CAPS2: variants seen among roughly 807,000 people sequenced by gnomAD.
CAPS2 encodes the protein calcyphosin-2.
CAPS2 carries 98 observed loss-of-function variants against 86.5 expected under a neutral mutation model. That is an observed-to-expected ratio of 1.13 (90% CI 0.96 to 1.34). CAPS2 has a LOEUF of 1.34. Ranked by LOEUF, CAPS2 falls within the 40% of genes most tolerant of loss-of-function variation. The probability of loss-of-function intolerance (pLI) is 0.00; values close to 1 mark genes in which losing one functional copy is unlikely to be tolerated. For missense variants in CAPS2, 729 were observed against 686.8 expected, an observed-to-expected ratio of 1.06 and a Z score of -0.69; for synonymous variants, 210 against 225.1, an observed-to-expected ratio of 0.93 and a Z score of 0.60.
At chr12:75,344,152 A>G (rs913180712) in intron 1 of CAPS2, among the ~76,000 whole-genome samples, 14 of 152,038 alleles carry the variant, frequency 9.2e-5, no homozygotes, top group African/African-American at 3.1e-4. Context: ...TTGTAAGTCT[A>G]TAACTTAAAT....
intron 1 of CAPS2, among the ~76,000 whole-genome samples, chr12:75,377,827 A>T (rs1405969504): frequency 2.1e-5 from 3 of 143,640 alleles, no homozygotes; most frequent in African/African-American, 7.8e-5. Flanking sequence ...GATACTTAAT[A>T]TTAACCATCA....
At chr12:75,305,553 G>T in intron 7 of CAPS2, 1 of 627,296 alleles carries the variant, frequency 1.6e-6, no homozygotes. Context: ...CTCCGTCCGC[G>T]ACCCTGGCAG....
chr12:75,299,330 A>T (rs2037427149), intron 9 of CAPS2, among the ~76,000 whole-genome samples: 1 of 152,202 alleles, frequency 6.6e-6, no homozygotes, highest in African/African-American at 2.4e-5. Flanking sequence ...AGAAAGCTTT[A>T]AATTCACTAA....
At chr12:75,326,910 G>C (rs2040837119), upstream of CAPS2, among the ~76,000 whole-genome samples, 1 of 152,152 alleles carries the variant, frequency 6.6e-6, no homozygotes, top group Admixed American at 6.5e-5. Context: ...AAGATGTAAG[G>C]ATGGAAGCAT....
chr12:75,303,487 G>A lies in CAPS2; in HGVS notation c.779+1270C>T, dbSNP rs113627262. The stretch of plus-strand genomic sequence containing the variant: ...GGAGGCAGCATAAGGGGAGGTTCGG[G>A]GTACTGGCAATTGTCTGTTTCTTGA... On this transcript the variant is annotated intron_variant, in intron 8 of 16. Transcript: ENST00000393284. 2.8e-3 allele frequency among the ~76,000 whole-genome samples: 420 copies of A among 152,238 alleles called. 3 individuals carry two copies. Among genetic ancestry groups the A allele is most frequent in the African/African-American group, 9.8e-3 (408 of 41,524 alleles).
At chr12:75,285,422 A>T (rs755297166) in intron 14 of CAPS2, among the ~76,000 whole-genome samples, 1 of 152,020 alleles carries the variant, frequency 6.6e-6, no homozygotes, top group Non-Finnish European at 1.5e-5. Context: ...TAATACAATC[A>T]TATCTATCAT....
intron 1 of CAPS2, among the ~76,000 whole-genome samples, chr12:75,388,613 A>T (rs1369223053): frequency 6.6e-6 from 1 of 151,088 alleles, no homozygotes; most frequent in Admixed American, 6.6e-5. Flanking sequence ...GTAAAAAAAA[A>T]TTAGTAGTTG....
At chr12:75,329,919 T>C, upstream of CAPS2, 9 of 1,469,898 alleles carry the variant, frequency 6.1e-6, no homozygotes, top group Non-Finnish European at 8.4e-6. Flanking sequence ...ACAGTCAGCC[T>C]GATTTCACCT....
chr12:75,286,213 C>A (rs2034844032), intron 14 of CAPS2, among the ~76,000 whole-genome samples: 1 of 151,898 alleles, frequency 6.6e-6, no homozygotes, highest in African/African-American at 2.4e-5. Context: ...AAAACTTTAA[C>A]TAGAAAAACA....
chr12:75,358,231 A>C (rs1376018615), intron 1 of CAPS2, among the ~76,000 whole-genome samples: 3 of 151,864 alleles, frequency 2.0e-5, no homozygotes, highest in African/African-American at 7.2e-5. Flanking sequence ...CTTGGATGAA[A>C]TGAGAGAATT....
At chr12:75,369,376 G>A in intron 1 of CAPS2, 3 of 254,814 alleles carry the variant, frequency 1.2e-5, no homozygotes, top group Non-Finnish European at 1.8e-5. Context: ...CACAATAAAA[G>A]GGATTTTATT....
chr12:75,365,679 C>T (rs1429461557), intron 1 of CAPS2, among the ~76,000 whole-genome samples: 1 of 152,056 alleles, frequency 6.6e-6, no homozygotes, highest in African/African-American at 2.4e-5. Flanking sequence ...TATTCTATTA[C>T]ATTTACCTCA....
At chr12:75,375,673 G>A (rs1469498567) in intron 1 of CAPS2, among the ~76,000 whole-genome samples, 1 of 152,160 alleles carries the variant, frequency 6.6e-6, no homozygotes, top group African/African-American at 2.4e-5. Flanking sequence ...TATAAATTAA[G>A]TAACAATGCT....
chr12:75,276,263 G>A (rs539388213), downstream of CAPS2: 2 of 1,536,634 alleles, frequency 1.3e-6, no homozygotes, highest in Non-Finnish European at 1.8e-6. Context: ...AGTGATTATA[G>A]TTTATCAGGG....
intron 9 of CAPS2, 97 bp downstream of exon 9, chr12:75,299,740 C>A (rs11180451): frequency 3.8e-6 from 2 of 519,934 alleles, no homozygotes; most frequent in African/African-American, 2.0e-5. Context: ...ATTTAAATGA[C>A]ACAAACCTAT....
intron 11 of CAPS2, among the ~76,000 whole-genome samples, 197 bp from the exon 12 acceptor site, chr12:75,293,564 C>T (rs1363829185): frequency 6.6e-6 from 1 of 152,036 alleles, no homozygotes; most frequent in Non-Finnish European, 1.5e-5. Context: ...TCTCAGAAGT[C>T]TTCTATTTAA....
chr12:75,368,823 TGTGA>T (rs1442362599), intron 1 of CAPS2, among the ~76,000 whole-genome samples: 1 of 151,736 alleles, frequency 6.6e-6, no homozygotes. Flanking sequence ...TTTGTTCTAG[TGTGA>T]GTGTGTTATG....
chr12:75,323,464 C>T (rs2040488817), intron 2 of CAPS2, among the ~76,000 whole-genome samples: 1 of 152,044 alleles, frequency 6.6e-6, no homozygotes, highest in Non-Finnish European at 1.5e-5. Context: ...AAATACTTGG[C>T]CGGGCGCAGT....
downstream of CAPS2, chr12:75,277,093 C>G (rs1393061110): frequency 4.1e-6 from 4 of 983,960 alleles, no homozygotes; most frequent in Non-Finnish European, 4.8e-6. Flanking sequence ...AAAAAAATCT[C>G]ATAAATAGAG....
Sources: allele counts gnomAD v4.1 joint callset (sites outside exome capture counted in the v4.1 genomes callset), GRCh38; gene constraint gnomAD v4.1.1; transcripts MANE v1.5; gene names NCBI Gene and HGNC (gene_info 2026-07-23, HGNC 2026-07-21).